ABCA1: variants seen among roughly 807,000 people sequenced by gnomAD.
The protein encoded by ABCA1 is phospholipid-transporting ATPase ABCA1.
ABCA1 carries 133 observed loss-of-function variants against 262.5 expected under a neutral mutation model. That is an observed-to-expected ratio of 0.51 (90% CI 0.44 to 0.59). The LOEUF (loss-of-function observed/expected upper bound fraction) is 0.59, where lower values mean the gene tolerates loss of function less well. ABCA1 is among the 20% of genes least tolerant of loss of function. The probability of loss-of-function intolerance (pLI) is 0.00; values close to 1 mark genes in which losing one functional copy is unlikely to be tolerated. For missense variants in ABCA1, 2,452 were observed against 2,777.5 expected (o/e 0.88, Z 2.63); for synonymous variants, 1,022 against 1,043.5 (o/e 0.98, Z 0.40).
At chr9:104,927,860 C>T (rs1826478245) in intron 1 of ABCA1, 75 bp downstream of exon 1, 1 of 152,410 alleles carries the variant, frequency 6.6e-6, no homozygotes, top group Admixed American at 6.5e-5. Flanking sequence ...TCCCCGAAAC[C>T]GAGCACTTCC....
In ABCA1 at chr9:104,893,067, A is replaced by T. The variant is rs535388434; in HGVS notation, c.67-3872T>A. Among the ~76,000 whole-genome samples the T allele has an allele frequency of 1.6e-4, 24 of 152,366 alleles. No individual in the cohort carries two copies. The South Asian group carries it at 5.0e-3, about 32-fold the overall frequency. On this transcript the variant is annotated intron_variant, in intron 2 of 49. Transcript: ENST00000374736. ...TGTAGCTGAATAAAATCACTTATAA[A>T]TATTAACAAAGACAGGAATACAACT... is the stretch of plus-strand genomic sequence containing the variant.
At chr9:104,923,287 T>C (rs60295489) in intron 1 of ABCA1, among the ~76,000 whole-genome samples, 23,500 of 152,242 alleles carry the variant, frequency 0.15, 1,980 homozygotes, top group Middle Eastern at 0.24. Context: ...TACTCTATCA[T>C]TCCATTTTCT....
intron 5 of ABCA1, among the ~76,000 whole-genome samples, chr9:104,874,617 G>A (rs1036401913): frequency 3.3e-5 from 5 of 152,044 alleles, no homozygotes; most frequent in South Asian, 2.1e-4. Context: ...AGAGCCGGGC[G>A]CAGTGGCTCA....
At position 104,903,754 on chromosome 9, in the gene ABCA1, G is replaced by C. The variant is rs992537601; in HGVS notation, c.-75C>G. ...AGCGGCCAGAGCTCACAGCAGGGACGCCGTGGCTGGTCATTAACTGAAAGA... is the reference window on the plus strand; with the variant it reads ...AGCGGCCAGAGCTCACAGCAGGGACCCCGTGGCTGGTCATTAACTGAAAGA... On this transcript the variant is annotated 5_prime_UTR_variant, in exon 2 of 50. Coordinates refer to ENST00000374736, the MANE Select transcript of ABCA1 (RefSeq NM_005502.4). The C allele has an allele frequency of 2.2e-6, 3 of 1,370,504 alleles. No individual in the cohort carries two copies. Among genetic ancestry groups the C allele is most frequent in the East Asian group, 2.5e-5 (1 of 40,060 alleles). The allele number at this position is 1,370,504 out of a possible 1,614,324, so 84.9% of individuals were successfully genotyped here. A position where few individuals can be genotyped will look rare whatever the true frequency, so the allele number is the denominator to read the frequency against.
chr9:104,791,293 C>T (rs1381174738), intron 43 of ABCA1, among the ~76,000 whole-genome samples: 1 of 152,108 alleles, frequency 6.6e-6, no homozygotes, highest in Admixed American at 6.5e-5. Context: ...GCCAGCTAGC[C>T]AAATTGCACC....
chr9:104,789,853 G>C (rs1358585535), intron 44 of ABCA1, among the ~76,000 whole-genome samples: 1 of 152,098 alleles, frequency 6.6e-6, no homozygotes, highest in Non-Finnish European at 1.5e-5. Context: ...CAGAACTTTG[G>C]GAGGCTGAGG....
Position 104,832,666 on chromosome 9 carries a change from C to T in ABCA1, c.1417G>A (p.Asp473Asn), listed in dbSNP as rs1214002715. 1 of 1,614,156 alleles carries T rather than the reference C, an allele frequency of 6.2e-7. No homozygotes were observed. The highest frequency in any genetic ancestry group is 1.3e-5 in the African/African-American group (1 of 75,014). Reference protein sequence around the residue: ...IVAFLAKHPEDVQSSNGSVYT... With the variant: ...IVAFLAKHPENVQSSNGSVYT... ...ACAGAACCATTACTGGACTGGACAT[C>T]CTCTGGGTGCTTGGCCAAAAACGCC... The change falls in exon 12 of 50, where the codon GAT becomes AAT. Residue 473 changes from aspartate (D) to asparagine (N), a missense_variant. By Grantham distance (23) the Asp-to-Asn change is conservative. Around this residue, in one of 4 missense-constraint regions of ABCA1, gnomAD observed 1,032 missense variants for 1,089.7 expected, o/e 0.95. Coordinates refer to ENST00000374736, the MANE Select transcript of ABCA1 (RefSeq NM_005502.4).
At chr9:104,886,490 A>G (rs1197362782) in intron 3 of ABCA1, among the ~76,000 whole-genome samples, 1 of 152,162 alleles carries the variant, frequency 6.6e-6, no homozygotes, top group African/African-American at 2.4e-5. Flanking sequence ...AAGGAAAACC[A>G]AACAAGGCCC....
intron 18 of ABCA1, among the ~76,000 whole-genome samples, chr9:104,823,297 G>C (rs1036480790): frequency 6.6e-6 from 1 of 152,108 alleles, no homozygotes; most frequent in South Asian, 2.1e-4. Flanking sequence ...ATTCACACAT[G>C]ATAAAATTGC....
intron 46 of ABCA1, chr9:104,787,687 C>T (rs1305058491): frequency 6.3e-5 from 14 of 221,516 alleles, no homozygotes; most frequent in Non-Finnish European, 7.6e-5. Flanking sequence ...GCCTCAATCA[C>T]GCTAAGAAAC....
At chr9:104,918,834 T>A (rs1369637420) in intron 1 of ABCA1, among the ~76,000 whole-genome samples, 2 of 152,122 alleles carry the variant, frequency 1.3e-5, no homozygotes. Context: ...TCAAAGTGTA[T>A]CACCTAAATA....
At chr9:104,840,563 G>GA in intron 8 of ABCA1, 44 bp from the exon 9 acceptor site, 1 of 1,584,548 alleles carries the variant, frequency 6.3e-7, no homozygotes, top group Non-Finnish European at 8.6e-7. Flanking sequence ...GGGGAAGGGA[G>GA]AAAAGGGCAG....
At chr9:104,875,832 C>A (rs959985318) in intron 5 of ABCA1, among the ~76,000 whole-genome samples, 11 of 152,270 alleles carry the variant, frequency 7.2e-5, no homozygotes, top group Admixed American at 4.6e-4. Context: ...GAGTGCCATT[C>A]ACAGGGACCG....
At chr9:104,896,748 T>TTTTTTC (rs1840256620) in intron 2 of ABCA1, among the ~76,000 whole-genome samples, 3 of 121,666 alleles carry the variant, frequency 2.5e-5, no homozygotes, top group African/African-American at 1.0e-4. Flanking sequence ...TTTTTTTTTT[T>TTTTTTC]CAGACAGAGT....
chr9:104,806,516 A>G, intron 30 of ABCA1, 86 bp from the exon 31 acceptor site: 2 of 1,308,640 alleles, frequency 1.5e-6, no homozygotes, highest in Non-Finnish European at 2.2e-6. Flanking sequence ...ATTCCGTAAC[A>G]ACCACAAACA....
In ABCA1 at chr9:104,822,665, A is replaced by C. The variant is rs779640751; in HGVS notation, c.2659T>G (p.Cys887Gly). The C allele has an allele frequency of 6.2e-7, 1 of 1,614,094 alleles. No individual in the cohort carries two copies. The highest frequency in any genetic ancestry group is 8.5e-7 in the Non-Finnish European group (1 of 1,180,008). ...GSNQKRISEICMEEEPTHLKL... is the reference protein window; with the variant it reads ...GSNQKRISEIGMEEEPTHLKL... ...AAGTGGGTGGGTTCCTCCTCCATGCAGACTGTGACAGGAGAGAAGACAGAA... is the reference window on the plus strand; with the variant it reads ...AAGTGGGTGGGTTCCTCCTCCATGCCGACTGTGACAGGAGAGAAGACAGAA... The change falls in exon 19 of 50, where the codon TGC becomes GGC. Residue 887 changes from cysteine to glycine, a missense_variant and splice_region_variant. Transcript: ENST00000374736.
intron 2 of ABCA1, among the ~76,000 whole-genome samples, chr9:104,892,166 G>A (rs1839811957): frequency 6.6e-6 from 1 of 151,912 alleles, no homozygotes; most frequent in African/African-American, 2.4e-5. Context: ...CTGGAAGAAA[G>A]CATGCTGACA....
At chr9:104,827,331 C>T (rs1266554726) in intron 15 of ABCA1, among the ~76,000 whole-genome samples, 162 bp from the exon 16 acceptor site, 1 of 152,140 alleles carries the variant, frequency 6.6e-6, no homozygotes, top group Non-Finnish European at 1.5e-5. Context: ...TCATTACCAT[C>T]CTAAAGAAGA....
intron 25 of ABCA1, among the ~76,000 whole-genome samples, chr9:104,815,129 C>G (rs1248445933): frequency 6.6e-6 from 1 of 152,152 alleles, no homozygotes; most frequent in Non-Finnish European, 1.5e-5. Flanking sequence ...TAGGCTAGTA[C>G]TATGATAAGT....
Sources: allele counts gnomAD v4.1 joint callset (sites outside exome capture counted in the v4.1 genomes callset), GRCh38; gene constraint gnomAD v4.1.1; regional missense constraint gnomAD v4.1.1; transcripts MANE v1.5; gene names NCBI Gene and HGNC (gene_info 2026-07-23, HGNC 2026-07-21).